Variants in CCL14 observed in about 807,000 individuals in gnomAD.
CCL14 encodes C-C motif chemokine ligand 14.
In CCL14, 8 loss-of-function variants were observed where a neutral mutation model predicts 8.2. The observed-to-expected ratio is 0.98, with a 90% confidence interval of 0.57 to 1.76. CCL14 has a LOEUF of 1.76. Among genes scored for constraint, CCL14 ranks in the 40% most tolerant of loss-of-function variants. The pLI, the probability that CCL14 is intolerant of heterozygous loss-of-function variation, is 0.00. For synonymous variants in CCL14, 50 were observed against 43.2 expected (o/e 1.16, Z -0.62); for missense variants, 127 against 118.3 (o/e 1.07, Z -0.34).
In CCL14 at chr17:35,984,376, G is replaced by A. The variant is rs778927371; in HGVS notation, c.156C>T (p.Tyr52=). The change falls in exon 2 of 3, where the codon TAC becomes TAT. Residue 52 remains tyrosine (Y), a synonymous_variant. Transcript: ENST00000618404. ...YKIPRQRIMD[Y]YETNSQCSKP... ...TGGAGCACTGGCTGTTGGTCTCATA[G>A]TAATCCATAATCCGCTGACGCGGGA... 6.2e-7 allele frequency: 1 copy of A among 1,613,922 alleles called. No individual in the cohort carries two copies. Among genetic ancestry groups the A allele is most frequent in the South Asian group, 1.1e-5 (1 of 91,068 alleles).
intron 1 of CCL14, chr17:35,985,479 CA>C: frequency 8.2e-6 from 4 of 487,064 alleles, no homozygotes; most frequent in South Asian, 7.8e-5. Context: ...GTGGAGAAAT[CA>C]GGTGTGTGCA....
intron 2 of CCL14, among the ~76,000 whole-genome samples, chr17:35,984,103 C>T (rs2089717481): frequency 6.6e-6 from 1 of 151,588 alleles, no homozygotes; most frequent in South Asian, 2.1e-4. Flanking sequence ...TGAGGAAGTG[C>T]CCTCTTGCCT....
intron 1 of CCL14, chr17:35,985,489 C>CCGT: frequency 1.9e-6 from 1 of 531,468 alleles, no homozygotes; most frequent in Non-Finnish European, 3.3e-6. Flanking sequence ...CAGGTGTGTG[C>CCGT]ATGTTATGTG....
At chr17:35,986,222 C>T in intron 1 of CCL14, 1 of 365,964 alleles carries the variant, frequency 2.7e-6, no homozygotes, top group Non-Finnish European at 4.9e-6. Context: ...CCTGGAGATT[C>T]AGGATCTGTT....
chr17:35,984,220 A>G (rs368558372), intron 2 of CCL14, 118 bp downstream of exon 2: 1 of 756,518 alleles, frequency 1.3e-6, no homozygotes, highest in African/African-American at 1.7e-5. Flanking sequence ...GCCTCTCCCC[A>G]TGTAGTCACA....
intron 2 of CCL14, 48 bp from the exon 3 acceptor site, chr17:35,983,936 C>A (rs535950329): frequency 5.1e-6 from 7 of 1,375,848 alleles, no homozygotes; most frequent in Non-Finnish European, 7.3e-6. Flanking sequence ...GCCCAGTGGC[C>A]GGAAGAGACA....
At chr17:35,985,722 G>C (rs1000844094) in intron 1 of CCL14, 1 of 1,544,356 alleles carries the variant, frequency 6.5e-7, no homozygotes, top group South Asian at 1.2e-5. Flanking sequence ...TGACATCGGA[G>C]AGGGCAAGTC....
intron 1 of CCL14, chr17:35,985,502 C>A: frequency 1.8e-6 from 1 of 550,810 alleles, no homozygotes; most frequent in Non-Finnish European, 3.2e-6. Flanking sequence ...GTTATGTGAC[C>A]CTGCTTCATA....
At position 35,983,470 on chromosome 17, in the gene CCL14, G is replaced by A. The variant is rs573773486; in HGVS notation, c.*331C>T. The A allele has an allele frequency of 2.5e-5, 7 of 281,146 alleles. No homozygotes were observed. Among genetic ancestry groups the A allele is most frequent in the East Asian group, 6.6e-5 (1 of 15,216 alleles). 17.4% of individuals were successfully genotyped at this position (281,146 alleles called of 1,614,324 possible). On this transcript the variant is annotated 3_prime_UTR_variant, in exon 3 of 3. Coordinates refer to ENST00000618404, the MANE Select transcript of CCL14 (RefSeq NM_032963.4). ...CTACTGTTGTTGCTGAGGAGGAGACGGTCTTTACACTGCTTTTCTTTCTCA... is the reference window on the plus strand; with the variant it reads ...CTACTGTTGTTGCTGAGGAGGAGACAGTCTTTACACTGCTTTTCTTTCTCA...
chr17:35,984,072 C>T (rs1369798802), intron 2 of CCL14, among the ~76,000 whole-genome samples, 184 bp from the exon 3 acceptor site: 1 of 152,162 alleles, frequency 6.6e-6, no homozygotes, highest in African/African-American at 2.4e-5. Context: ...CCCCTAGACC[C>T]ATCTAGTCTC....
chr17:35,984,702 G>A lies in CCL14; in HGVS notation c.80-250C>T. On this transcript the variant is annotated intron_variant, in intron 1 of 2. Coordinates refer to ENST00000618404, the MANE Select transcript of CCL14 (RefSeq NM_032963.4). ...TTCAACCCCTCTTGGAAAGACTGGT[G>A]GATGACTTTCAACTCCAGGATTGAA... 10 of 565,050 alleles carry A rather than the reference G, an allele frequency of 1.8e-5. No individual in the cohort carries two copies. The South Asian group carries it at 2.5e-4, about 14-fold the overall frequency. 35.0% of individuals were successfully genotyped at this position (565,050 alleles called of 1,614,324 possible).
chr17:35,984,299 C>G (rs1466653995), intron 2 of CCL14, 39 bp downstream of exon 2: 2 of 1,461,444 alleles, frequency 1.4e-6, no homozygotes, highest in Non-Finnish European at 1.9e-6. Flanking sequence ...GCCCTGCTGG[C>G]TCCCTCTCCC....
rs779582229 is a variant in CCL14 at position 35,986,568 on chromosome 17, C to T, written c.79+3G>A. 3 of 1,611,760 alleles carry T rather than the reference C, an allele frequency of 1.9e-6. No individual in the cohort carries two copies. The highest frequency in any genetic ancestry group is 2.7e-5 in the African/African-American group (2 of 74,848). On this transcript the variant is annotated splice_donor_region_variant and intron_variant, in intron 1 of 2. Transcript: ENST00000618404. ...TGGAAGGAAGACAAGGCATTGCACT[C>T]ACGTGAGGAGGATTCAGTCTTGGTC... is the stretch of plus-strand genomic sequence containing the variant.
In CCL14 at chr17:35,983,712, G is replaced by A. The variant is rs1326144740; in HGVS notation, c.*89C>T. ...GGGAAGCTCCAAGAGGGTGACTGGG[G>A]CTGAGAGTTAGCGGTGGGTGGAGGA... On this transcript the variant is annotated 3_prime_UTR_variant, in exon 3 of 3. Coordinates refer to ENST00000618404, the MANE Select transcript of CCL14 (RefSeq NM_032963.4). The A allele has an allele frequency of 2.2e-6, 2 of 889,978 alleles. No homozygotes were observed. The highest frequency in any genetic ancestry group is 1.3e-5 in the South Asian group (1 of 75,462). The allele number at this position is 889,978 out of a possible 1,614,324, so 55.1% of individuals were successfully genotyped here.
intron 1 of CCL14, chr17:35,985,829 T>G (rs2089758650): frequency 1.3e-6 from 2 of 1,524,500 alleles, no homozygotes; most frequent in East Asian, 4.9e-5. Flanking sequence ...GGAAGAGTGA[T>G]AAATAGTTTT....
At chr17:35,985,075 T>C (rs185710428) in intron 1 of CCL14, 107 of 155,480 alleles carry the variant, frequency 6.9e-4, no homozygotes, top group Admixed American at 2.1e-3. Context: ...CATTTTACTT[T>C]CCCCCTGTTC....
intron 1 of CCL14, chr17:35,984,774 G>T: frequency 4.1e-6 from 2 of 491,520 alleles, no homozygotes; most frequent in Non-Finnish European, 7.1e-6. Context: ...GGGCCGACTG[G>T]CAGAGAAGGC....
chr17:35,984,681 A>G (rs2089733914), intron 1 of CCL14: 2 of 573,364 alleles, frequency 3.5e-6, no homozygotes, highest in Non-Finnish European at 3.1e-6. Flanking sequence ...CTTTTCTTCA[A>G]CCCCTCTTGG....
chr17:35,983,833 G>A lies in CCL14; in HGVS notation c.250C>T (p.Gln84Ter), dbSNP rs201904488. The A allele has an allele frequency of 6.2e-7, 1 of 1,613,842 alleles. No individual in the cohort carries two copies. Among genetic ancestry groups the A allele is most frequent in the Non-Finnish European group, 8.5e-7 (1 of 1,179,764 alleles). ...VCTNPSDKWV[Q>*]DYIKDMKEN ...TCCTTCATGTCCTTGATATAGTCCT[G>A]GACCCACTTGTCACTGGGGTTGGTA... Residue 84 changes from glutamine to a stop codon, truncating the protein, a stop_gained, in exon 3 of 3, where the codon CAG (glutamine) becomes TAG (stop). Coordinates refer to ENST00000618404, the MANE Select transcript of CCL14 (RefSeq NM_032963.4). LOFTEE classifies it high-confidence loss of function.
Sources: gnomAD v4.1 joint callset for allele counts (sites outside exome capture counted in the v4.1 genomes callset) on GRCh38, gnomAD v4.1.1 for gene constraint, MANE v1.5 for transcripts, NCBI Gene and HGNC (gene_info 2026-07-23, HGNC 2026-07-21) for gene names.